The following PAK3 variants were observed in gnomAD, a reference collection of about 807,000 sequenced individuals.
PAK3 encodes the protein serine/threonine-protein kinase PAK 3.
In PAK3, 4 loss-of-function variants were observed where a neutral mutation model predicts 41.0. The observed-to-expected ratio is 0.10, with a 90% confidence interval of 0.05 to 0.22. PAK3 has a LOEUF of 0.22. Among genes scored for constraint, PAK3 ranks in the 10% least tolerant of loss-of-function variants. The pLI, the probability that PAK3 is intolerant of heterozygous loss-of-function variation, is 1.00. For missense variants in PAK3, 205 were observed against 409.9 expected (o/e 0.50, Z 4.32); for synonymous variants, 146 against 139.6 (o/e 1.05, Z -0.32).
chrX:110,957,462 G>T (rs2090885682), intron 1 of PAK3, among the ~76,000 whole-genome samples: 1 of 112,102 alleles, frequency 8.9e-6, no homozygotes, highest in Admixed American at 9.5e-5. Context: ...TAAAGGACTG[G>T]ATAAGAACCC....
At chrX:110,980,955 G>A (rs1452653332) in intron 1 of PAK3, among the ~76,000 whole-genome samples, 2 of 112,003 alleles carry the variant, frequency 1.8e-5, no homozygotes, top group Non-Finnish European at 3.8e-5. Context: ...GAAAGTTAGA[G>A]TAATATTTTT....
intron 3 of PAK3, among the ~76,000 whole-genome samples, chrX:111,099,654 G>C (rs1189905799): frequency 9.5e-6 from 1 of 105,129 alleles, no homozygotes; most frequent in Non-Finnish European, 2.0e-5. Context: ...ACCAGGAACT[G>C]GGGTGGAATG....
intron 1 of PAK3, among the ~76,000 whole-genome samples, chrX:111,026,275 A>G (rs1040935068): frequency 5.4e-5 from 6 of 111,704 alleles, no homozygotes; most frequent in African/African-American, 1.3e-4. Context: ...CACCACTTCT[A>G]TTCAACATAG....
chrX:111,034,837 A>C (rs2092377392), intron 1 of PAK3, among the ~76,000 whole-genome samples: 1 of 111,020 alleles, frequency 9.0e-6, no homozygotes, highest in Admixed American at 9.6e-5. Flanking sequence ...GCAGTGGCTC[A>C]TGCCTGTAAT....
At chrX:111,113,427 C>T (rs965687473) in intron 4 of PAK3, among the ~76,000 whole-genome samples, 2 of 111,411 alleles carry the variant, frequency 1.8e-5, no homozygotes, top group African/African-American at 6.5e-5. Flanking sequence ...TAAGGCCAGG[C>T]AGCTATGTTC....
At chrX:111,013,374 G>A in intron 1 of PAK3, among the ~76,000 whole-genome samples, 1 of 111,343 alleles carries the variant, frequency 9.0e-6, no homozygotes, top group Non-Finnish European at 1.9e-5. Flanking sequence ...TGTCTCACTT[G>A]GGGAAGATGG....
chrX:111,227,138 A>T lies in PAK3; in HGVS notation c.*6691A>T, dbSNP rs2094957062. 2 of 112,025 alleles carry T rather than the reference A, an allele frequency of 1.8e-5. No homozygotes were observed. The highest frequency in any genetic ancestry group is 7.4e-4 in the South Asian group (2 of 2,704). 9.2% of individuals were successfully genotyped at this position (112,025 alleles called of 1,213,427 possible). ...TTTTTGTTTGTTTGATTTTTAAGTAAGTTATTTCTTTTGTAGACCTGCTGA... is the reference window on the plus strand; with the variant it reads ...TTTTTGTTTGTTTGATTTTTAAGTATGTTATTTCTTTTGTAGACCTGCTGA... On this transcript the variant is annotated 3_prime_UTR_variant, in exon 18 of 18. Transcript: ENST00000372007.
At chrX:111,160,583 A>G (rs945666232) in intron 8 of PAK3, among the ~76,000 whole-genome samples, 19 of 109,175 alleles carry the variant, frequency 1.7e-4, no homozygotes, top group East Asian at 1.7e-3. Flanking sequence ...ATCATTTAGC[A>G]TTAGGTATAT....
chrX:111,036,270 AC>A (rs978670463), intron 1 of PAK3, among the ~76,000 whole-genome samples: 1 of 112,547 alleles, frequency 8.9e-6, no homozygotes, highest in Non-Finnish European at 1.9e-5. Flanking sequence ...CCCAAAGCAC[AC>A]CATTATGTGA....
At chrX:111,025,492 A>G (rs2092256480) in intron 1 of PAK3, among the ~76,000 whole-genome samples, 1 of 111,547 alleles carries the variant, frequency 9.0e-6, no homozygotes, top group South Asian at 3.7e-4. Flanking sequence ...ACCAAAGATC[A>G]TTCAAGGCTA....
At chrX:111,164,865 T>G (rs2094235717) in intron 10 of PAK3, among the ~76,000 whole-genome samples, 1 of 111,697 alleles carries the variant, frequency 9.0e-6, no homozygotes, top group Admixed American at 9.5e-5. Context: ...TAATCTCGTT[T>G]CATGCATATT....
chrX:111,126,434 G>C (rs1048570282), intron 5 of PAK3, among the ~76,000 whole-genome samples: 1 of 110,681 alleles, frequency 9.0e-6, no homozygotes, highest in Non-Finnish European at 1.9e-5. Context: ...GGGGAAAGAG[G>C]GATTACTATT....
rs1003801110 is a variant in PAK3, at chrX:111,224,556, T to G, written c.*4109T>G. On this transcript the variant is annotated 3_prime_UTR_variant, in exon 18 of 18. Coordinates refer to ENST00000372007, the MANE Select transcript of PAK3 (RefSeq NM_002578.5). ...ATGACTTGCAATTAAAAGCTGACTT[T>G]GAAATCATTAAACAAATATGTAGGA... is the stretch of plus-strand genomic sequence containing the variant. The G allele has an allele frequency of 8.9e-6, 1 of 112,581 alleles. No individual in the cohort carries two copies. The highest frequency in any genetic ancestry group is 3.2e-5 in the African/African-American group (1 of 31,003). The allele number at this position is 112,581 out of a possible 1,213,427, so 9.3% of individuals were successfully genotyped here.
chrX:111,018,364 A>G (rs1173669228), intron 1 of PAK3, among the ~76,000 whole-genome samples: 1 of 112,349 alleles, frequency 8.9e-6, no homozygotes, highest in East Asian at 2.8e-4. Flanking sequence ...TTTAAAAACT[A>G]TTAGAACTAA....
intron 1 of PAK3, among the ~76,000 whole-genome samples, chrX:111,005,396 G>T (rs1450276387): frequency 9.0e-6 from 1 of 111,603 alleles, no homozygotes; most frequent in Admixed American, 9.5e-5. Context: ...ATACATTGAA[G>T]CCGGTAGACT....
intron 1 of PAK3, among the ~76,000 whole-genome samples, chrX:111,024,407 T>C (rs1273359837): frequency 3.6e-5 from 4 of 111,769 alleles, no homozygotes; most frequent in Non-Finnish European, 7.5e-5. Flanking sequence ...AAATTTAAAG[T>C]AGTTCTTTCC....
In PAK3 at chrX:111,224,196, T is replaced by G. The variant is rs1436722247; in HGVS notation, c.*3749T>G. ...GAGACTATTATCTATAAGTTAAAGCTAGGGAGATGTCACTATTAGAACTCC... is the reference window on the plus strand; with the variant it reads ...GAGACTATTATCTATAAGTTAAAGCGAGGGAGATGTCACTATTAGAACTCC... On this transcript the variant is annotated 3_prime_UTR_variant, in exon 18 of 18. Transcript: ENST00000372007. The G allele has an allele frequency of 2.7e-5, 3 of 111,623 alleles. No homozygotes were observed. Among genetic ancestry groups the G allele is most frequent in the Non-Finnish European group, 5.6e-5 (3 of 53,136 alleles). The allele number at this position is 111,623 out of a possible 1,213,427, so 9.2% of individuals were successfully genotyped here.
rs751109024 is a variant in PAK3 at position 111,147,009 on chromosome X, GTC to G, written c.277-727_277-726del. 8.1e-5 allele frequency among the ~76,000 whole-genome samples: 9 copies of G among 111,385 alleles called. No homozygotes were observed. In the South Asian group the frequency reaches 3.5e-3, roughly 43 times the overall value. ...ACAAGGCTTTGTCGTGGTTTTCATA[GTC>G]CCCAGGTTCTATGTGGCCTATAAAT... On this transcript the variant is annotated intron_variant, in intron 6 of 17. Coordinates refer to ENST00000372007, the MANE Select transcript of PAK3 (RefSeq NM_002578.5).
intron 1 of PAK3, among the ~76,000 whole-genome samples, chrX:110,976,555 T>C (rs977227851): frequency 8.9e-6 from 1 of 112,005 alleles, no homozygotes; most frequent in Admixed American, 9.4e-5. Context: ...GTGTGGCGAT[T>C]CCTCAAGGAT....
Sources: allele counts gnomAD v4.1 joint callset (sites outside exome capture counted in the v4.1 genomes callset), GRCh38; gene constraint gnomAD v4.1.1; transcripts MANE v1.5; gene names NCBI Gene and HGNC (gene_info 2026-07-23, HGNC 2026-07-21).